The following RELCH variants were observed in gnomAD, a reference collection of about 807,000 sequenced individuals.
RELCH encodes RAB11 binding and LisH domain, coiled-coil and HEAT repeat containing.
Under a neutral mutation model 150.3 loss-of-function variants are expected in RELCH, and 41 were observed. The observed-to-expected ratio is 0.27, with a 90% CI of 0.21 to 0.35. The LOEUF (loss-of-function observed/expected upper bound fraction) is 0.35. Among genes scored for constraint, RELCH ranks in the 10% least tolerant of loss-of-function variants. RELCH has a pLI of 1.00. For synonymous variants in RELCH, 478 were observed against 531.8 expected (o/e 0.90, Z 1.39); for missense variants, 1,092 against 1,467.8 (o/e 0.74, Z 4.18).
chr18:62,251,565 T>G (rs1372574447), intron 11 of RELCH, among the ~76,000 whole-genome samples: 1 of 152,244 alleles, frequency 6.6e-6, no homozygotes, highest in East Asian at 1.9e-4. Flanking sequence ...TTTGGTCATA[T>G]TCTATTCATT....
Position 62,255,392 on chromosome 18 carries a change from T to A in RELCH, c.1825-15T>A, listed in dbSNP as rs935892287. The A allele has an allele frequency of 6.6e-6, 10 of 1,511,322 alleles. No individual in the cohort carries two copies. In the South Asian group the frequency reaches 1.1e-4, roughly 17 times the overall value. 93.6% of individuals were successfully genotyped at this position (1,511,322 alleles called of 1,614,324 possible). A position where few individuals can be genotyped will look rare whatever the true frequency, so the allele number is the denominator to read the frequency against. ...ATGCTGTTTATGCTTGATTTATTTA[T>A]TTTTTTTGCTCTAGATTAATCACAA... On this transcript the variant is annotated splice_polypyrimidine_tract_variant and intron_variant, in intron 12 of 28. Coordinates refer to ENST00000644646, the MANE Select transcript of RELCH (RefSeq NM_001346231.2).
chr18:62,230,239 G>A (rs1217307620), intron 8 of RELCH, among the ~76,000 whole-genome samples: 1 of 151,954 alleles, frequency 6.6e-6, no homozygotes, highest in African/African-American at 2.4e-5. Flanking sequence ...GAGATGGAAG[G>A]ATCGCTTGAG....
chr18:62,287,341 C>A lies in RELCH; in HGVS notation c.3254-10C>A. 7.1e-7 allele frequency: 1 copy of A among 1,411,222 alleles called. No homozygotes were observed. The highest frequency in any genetic ancestry group is 9.9e-7 in the Non-Finnish European group (1 of 1,005,762). 87.4% of individuals were successfully genotyped at this position (1,411,222 alleles called of 1,614,324 possible). ...GGGTAAAAATTTAACCCTTTTTTTT[C>A]TGTTTTCAGTTGTTATACCACATTT... On this transcript the variant is annotated splice_polypyrimidine_tract_variant and intron_variant, in intron 25 of 28. Coordinates refer to ENST00000644646, the MANE Select transcript of RELCH (RefSeq NM_001346231.2).
intron 5 of RELCH, among the ~76,000 whole-genome samples, chr18:62,225,268 A>G (rs1432632194): frequency 6.6e-6 from 1 of 151,978 alleles, no homozygotes; most frequent in Non-Finnish European, 1.5e-5. Context: ...GAAAAAAAAA[A>G]TCACTGCAGG....
chr18:62,270,633 CTT>C (rs1328136038), intron 20 of RELCH, among the ~76,000 whole-genome samples: 1 of 151,986 alleles, frequency 6.6e-6, no homozygotes, highest in African/African-American at 2.4e-5. Flanking sequence ...TTATTGTACT[CTT>C]CTTTCTTTTT....
chr18:62,258,176 A>G, intron 14 of RELCH, 88 bp downstream of exon 14: 1 of 1,218,118 alleles, frequency 8.2e-7, no homozygotes, highest in Non-Finnish European at 1.2e-6. Context: ...ATACTTTATA[A>G]TGTATCATAA....
chr18:62,217,644 A>C (rs2040568378), intron 2 of RELCH, among the ~76,000 whole-genome samples: 1 of 152,018 alleles, frequency 6.6e-6, no homozygotes, highest in African/African-American at 2.4e-5. Context: ...CCAGGAGATA[A>C]CTGGGTAGGT....
At chr18:62,195,379 T>C (rs1309273615) in intron 1 of RELCH, among the ~76,000 whole-genome samples, 1 of 152,002 alleles carries the variant, frequency 6.6e-6, no homozygotes, top group Non-Finnish European at 1.5e-5. Context: ...TCTAGTTACA[T>C]TGCAAGATAA....
intron 22 of RELCH, among the ~76,000 whole-genome samples, chr18:62,279,236 C>A (rs1298437538): frequency 6.6e-6 from 1 of 152,092 alleles, no homozygotes; most frequent in African/African-American, 2.4e-5. Flanking sequence ...TATCTCTGTA[C>A]CTCAAAAGAG....
rs758204529 is a variant in RELCH at position 62,261,635 on chromosome 18, A to T, written c.2327A>T (p.His776Leu). ...NAPFSSKAKL[H>L]GEVPQIEVTR... ...CCTTTCTCCAGCAAAGCCAAGCTTC[A>T]TGGTGAAGTGCCACAGATAGAAGGT... is the stretch of plus-strand genomic sequence containing the variant. The change falls in exon 16 of 29, where the codon CAT becomes CTT. Residue 776 changes from histidine (H) to leucine (L), a missense_variant. His to Leu is a moderately conservative substitution (Grantham distance 99). Coordinates refer to ENST00000644646, the MANE Select transcript of RELCH (RefSeq NM_001346231.2). 1 of 1,611,420 alleles carries T rather than the reference A, an allele frequency of 6.2e-7. No homozygotes were observed. The highest frequency in any genetic ancestry group is 8.5e-7 in the Non-Finnish European group (1 of 1,178,490).
At chr18:62,272,058 A>T (rs982819882) in intron 20 of RELCH, among the ~76,000 whole-genome samples, 8 of 152,202 alleles carry the variant, frequency 5.3e-5, no homozygotes, top group Non-Finnish European at 7.3e-5. Context: ...AATAGAAGTT[A>T]CAGCTCTGTT....
chr18:62,202,054 T>C (rs905646313), intron 1 of RELCH, among the ~76,000 whole-genome samples: 1 of 152,232 alleles, frequency 6.6e-6, no homozygotes, highest in Non-Finnish European at 1.5e-5. Flanking sequence ...ATAAAACTTA[T>C]GAACAGGTTT....
intron 10 of RELCH, among the ~76,000 whole-genome samples, chr18:62,237,380 A>G (rs2041928863): frequency 6.6e-6 from 1 of 151,768 alleles, no homozygotes; most frequent in African/African-American, 2.4e-5. Flanking sequence ...AAAGTAGGGT[A>G]TTGAAGACTC....
chr18:62,219,386 G>T (rs1266898939), intron 2 of RELCH, among the ~76,000 whole-genome samples: 1 of 95,192 alleles, frequency 1.1e-5, no homozygotes, highest in African/African-American at 4.2e-5. Flanking sequence ...ATCTGCAATT[G>T]TTCTGTAATG....
Position 62,239,397 on chromosome 18 carries a change from C to T in RELCH, c.1621-5367C>T, listed in dbSNP as rs192752490. Among the ~76,000 whole-genome samples, 8 of 148,956 alleles carry T rather than the reference C, an allele frequency of 5.4e-5. No homozygotes were observed. The East Asian group carries it at 1.6e-3, about 30-fold the overall frequency. On this transcript the variant is annotated intron_variant, in intron 10 of 28. Coordinates refer to ENST00000644646, the MANE Select transcript of RELCH (RefSeq NM_001346231.2). ...TTATTGGGTTTCCTTTTTATATGAA[C>T]AGGAACAAGCTGAAAAGTTTCAACT...
intron 1 of RELCH, among the ~76,000 whole-genome samples, chr18:62,204,450 C>T (rs2039652620): frequency 6.6e-6 from 1 of 152,092 alleles, no homozygotes; most frequent in African/African-American, 2.4e-5. Context: ...ATCCTCCCAC[C>T]TTAGCCTCCT....
At chr18:62,292,527 G>C (rs2045205318) in intron 27 of RELCH, among the ~76,000 whole-genome samples, 1 of 152,042 alleles carries the variant, frequency 6.6e-6, no homozygotes, top group African/African-American at 2.4e-5. Flanking sequence ...TATCACACAA[G>C]TTTCATCTTC....
At chr18:62,219,325 C>CTTTTTTTTTTTTTTTTTCT (rs202196452) in intron 2 of RELCH, among the ~76,000 whole-genome samples, 1 of 112,878 alleles carries the variant, frequency 8.9e-6, no homozygotes, top group Non-Finnish European at 1.8e-5. Flanking sequence ...TTCTTTTTTT[C>CTTTTTTTTTTTTTTTTTCT]TTTTTTTTTT....
intron 20 of RELCH, 115 bp from the exon 21 acceptor site, chr18:62,273,865 A>T: frequency 1.5e-6 from 1 of 656,318 alleles, no homozygotes; most frequent in Non-Finnish European, 2.7e-6. Context: ...AATAGCTTCC[A>T]AATTTGGATA....
Sources: allele counts gnomAD v4.1 joint callset (sites outside exome capture counted in the v4.1 genomes callset), GRCh38; gene constraint gnomAD v4.1.1; transcripts MANE v1.5; gene names NCBI Gene and HGNC (gene_info 2026-07-23, HGNC 2026-07-21).